TNIK: variants seen among roughly 807,000 people sequenced by gnomAD.
TNIK encodes the protein TRAF2 and NCK-interacting protein kinase.
A neutral mutation model predicts 191.3 loss-of-function variants in TNIK; 49 were observed. The observed-to-expected ratio is 0.26, with a 90% confidence interval of 0.20 to 0.32. The LOEUF is 0.32. Among genes scored for constraint, TNIK ranks in the 10% least tolerant of loss-of-function variants. The probability of loss-of-function intolerance (pLI) is 1.00; values close to 1 mark genes in which losing one functional copy is unlikely to be tolerated. For missense variants in TNIK, 1,155 were observed against 1,702.3 expected (o/e 0.68, Z 5.66); for synonymous variants, 594 against 600.9 (o/e 0.99, Z 0.17).
chr3:171,451,719 T>A (rs1443529978), intron 1 of TNIK, among the ~76,000 whole-genome samples: 1 of 152,228 alleles, frequency 6.6e-6, no homozygotes, highest in Admixed American at 6.5e-5. Flanking sequence ...GCAGGCTCTC[T>A]TCTCCATCCA....
chr3:171,409,282 T>G (rs953699317), intron 1 of TNIK, among the ~76,000 whole-genome samples: 1 of 152,102 alleles, frequency 6.6e-6, no homozygotes, highest in Non-Finnish European at 1.5e-5. Context: ...AGAACAAAAG[T>G]TCTGTGAGTT....
At chr3:171,224,940 C>T (rs1742793097) in intron 3 of TNIK, among the ~76,000 whole-genome samples, 1 of 152,068 alleles carries the variant, frequency 6.6e-6, no homozygotes, top group South Asian at 2.1e-4. Flanking sequence ...AGCATTATAT[C>T]CAGTTCTCTC....
chr3:171,095,228 C>G (rs979814035), intron 22 of TNIK, among the ~76,000 whole-genome samples: 2 of 152,228 alleles, frequency 1.3e-5, no homozygotes, highest in African/African-American at 4.8e-5. Context: ...GCACAGAGCA[C>G]AGTGCCAGGG....
intron 4 of TNIK, among the ~76,000 whole-genome samples, chr3:171,195,215 A>G (rs1560245346): frequency 6.6e-6 from 1 of 152,200 alleles, no homozygotes; most frequent in South Asian, 2.1e-4. Context: ...CAAGCACTCT[A>G]TAAATATAAA....
intron 2 of TNIK, among the ~76,000 whole-genome samples, chr3:171,344,356 A>G (rs1711810996): frequency 6.6e-6 from 1 of 152,166 alleles, no homozygotes; most frequent in Admixed American, 6.6e-5. Context: ...AGGCTATTGA[A>G]CAACCACAAG....
At chr3:171,303,786 G>GCC (rs933318837) in intron 2 of TNIK, among the ~76,000 whole-genome samples, 4 of 152,084 alleles carry the variant, frequency 2.6e-5, no homozygotes, top group Non-Finnish European at 5.9e-5. Flanking sequence ...TCTATACATA[G>GCC]CCCCCTGACT....
At chr3:171,108,733 G>A (rs1183981098) in intron 19 of TNIK, among the ~76,000 whole-genome samples, 1 of 152,128 alleles carries the variant, frequency 6.6e-6, no homozygotes, top group Non-Finnish European at 1.5e-5. Flanking sequence ...TTTATTTGGT[G>A]GAACGGTTTT....
intron 2 of TNIK, among the ~76,000 whole-genome samples, chr3:171,334,303 C>T (rs1189768394): frequency 6.6e-6 from 1 of 152,184 alleles, no homozygotes; most frequent in Non-Finnish European, 1.5e-5. Context: ...ATACACAATC[C>T]TCTGCACTGT....
Position 171,068,954 on chromosome 3 carries a change from G to A in TNIK, c.3593C>T (p.Thr1198Met), listed in dbSNP as rs1718824834. The change falls in exon 30 of 33, where the codon ACG (threonine) becomes ATG (methionine). Residue 1198 changes from threonine to methionine, a missense_variant. Around this residue, in one of 3 missense-constraint regions of TNIK, gnomAD observed 195 missense variants for 415.4 expected, o/e 0.47. Transcript: ENST00000436636. ...LQHKPLLVDL[T>M]VEEGQRLKVI... The stretch of plus-strand genomic sequence containing the variant: ...CTTTAATCTTTGACCTTCTTCTACC[G>A]TGAGATCAACTAGCAGAGGCTTGTG... 6.2e-7 allele frequency: 1 copy of A among 1,613,638 alleles called. No homozygotes were observed. Among genetic ancestry groups the A allele is most frequent in the Non-Finnish European group, 8.5e-7 (1 of 1,179,726 alleles).
At chr3:171,168,050 C>T (rs1265890228) in intron 9 of TNIK, among the ~76,000 whole-genome samples, 2 of 152,180 alleles carry the variant, frequency 1.3e-5, no homozygotes, top group East Asian at 3.9e-4. Flanking sequence ...AAGATAAACC[C>T]CACGCCAGAG....
chr3:171,405,633 A>G (rs1439793442), intron 1 of TNIK, among the ~76,000 whole-genome samples: 1 of 152,118 alleles, frequency 6.6e-6, no homozygotes, highest in African/African-American at 2.4e-5. Context: ...CAATTATTCT[A>G]TTCCACATAG....
At chr3:171,375,233 C>T (rs571923273) in intron 1 of TNIK, among the ~76,000 whole-genome samples, 2 of 152,324 alleles carry the variant, frequency 1.3e-5, no homozygotes, top group Non-Finnish European at 2.9e-5. Flanking sequence ...TATTCATTTT[C>T]TTCCTCCCTT....
intron 1 of TNIK, among the ~76,000 whole-genome samples, chr3:171,377,372 A>G (rs1717405560): frequency 6.6e-6 from 1 of 152,108 alleles, no homozygotes; most frequent in African/African-American, 2.4e-5. Context: ...ACTGCTTTAG[A>G]TCACCCTCCC....
chr3:171,416,265 A>G (rs1407654193), intron 1 of TNIK, among the ~76,000 whole-genome samples: 1 of 152,088 alleles, frequency 6.6e-6, no homozygotes, highest in Non-Finnish European at 1.5e-5. Flanking sequence ...CCCTAATCTG[A>G]TACAATTAGA....
In TNIK at chr3:171,173,220, T is replaced by TAA. The variant is rs35147904; in HGVS notation, c.773+2030_773+2031dup. 8.3e-3 allele frequency among the ~76,000 whole-genome samples: 1,103 copies of TAA among 133,102 alleles called. 5 individuals carry two copies. The highest frequency in any genetic ancestry group is 0.016 in the African/African-American group (557 of 35,746). The allele number at this position is 133,102 out of a possible 152,430, so 87.3% of individuals were successfully genotyped here. On this transcript the variant is annotated intron_variant, in intron 9 of 32. Transcript: ENST00000436636. ...CAACACGGTGAAACCCTGTCTCTAC[T>TAA]AAAAAAAAAAAAAAAAATACAAAAA...
At chr3:171,205,402 G>A (rs974126356) in intron 4 of TNIK, among the ~76,000 whole-genome samples, 1 of 152,174 alleles carries the variant, frequency 6.6e-6, no homozygotes, top group Non-Finnish European at 1.5e-5. Context: ...CGAGTCTGAC[G>A]AGTGCTAGGC....
At chr3:171,229,783 C>T (rs1743384563) in intron 2 of TNIK, among the ~76,000 whole-genome samples, 1 of 152,128 alleles carries the variant, frequency 6.6e-6, no homozygotes, top group Admixed American at 6.5e-5. Context: ...TTCCTCCTCA[C>T]TGGGGAAAGA....
At chr3:171,278,694 G>A (rs1348419181) in intron 2 of TNIK, among the ~76,000 whole-genome samples, 2 of 152,162 alleles carry the variant, frequency 1.3e-5, no homozygotes, top group Non-Finnish European at 2.9e-5. Context: ...GACAAGGGGT[G>A]ACTTTGCCTA....
chr3:171,176,427 A>G (rs1171082887), intron 8 of TNIK, among the ~76,000 whole-genome samples: 1 of 152,242 alleles, frequency 6.6e-6, no homozygotes, highest in Non-Finnish European at 1.5e-5. Flanking sequence ...GCAGACACCA[A>G]GGATATTACT....
Sources: allele counts gnomAD v4.1 joint callset (sites outside exome capture counted in the v4.1 genomes callset), GRCh38; gene constraint gnomAD v4.1.1; regional missense constraint gnomAD v4.1.1; transcripts MANE v1.5; gene names NCBI Gene and HGNC (gene_info 2026-07-23, HGNC 2026-07-21).